The following DGKB variants were observed in gnomAD, a reference collection of about 807,000 sequenced individuals.
DGKB encodes diacylglycerol kinase beta.
In DGKB, 67 loss-of-function variants were observed where a neutral mutation model predicts 114.3. That is an observed-to-expected ratio of 0.59 (90% CI 0.48 to 0.72). The LOEUF is 0.72. DGKB is among the 30% of genes least tolerant of loss of function. DGKB has a pLI of 0.00. For missense variants in DGKB, 907 were observed against 975.2 expected (o/e 0.93, Z 0.93); for synonymous variants, 398 against 323.1 (o/e 1.23, Z -2.49).
chr7:14,401,471 C>T (rs1823086299), intron 21 of DGKB, among the ~76,000 whole-genome samples: 3 of 151,958 alleles, frequency 2.0e-5, no homozygotes, highest in South Asian at 2.1e-4. Flanking sequence ...GAAAAAATAA[C>T]TGTGAGGCTC....
chr7:14,714,157 G>C (rs1245964958), intron 6 of DGKB, among the ~76,000 whole-genome samples: 1 of 151,474 alleles, frequency 6.6e-6, no homozygotes, highest in Non-Finnish European at 1.5e-5. Context: ...AATCCAATTA[G>C]GAGATGGCAA....
At chr7:14,874,723 A>T (rs1443576256) in intron 1 of DGKB, among the ~76,000 whole-genome samples, 2 of 152,104 alleles carry the variant, frequency 1.3e-5, no homozygotes, top group East Asian at 3.9e-4. Context: ...TTTTTACAGG[A>T]ACAACTGAAA....
intron 20 of DGKB, among the ~76,000 whole-genome samples, chr7:14,487,770 CT>C (rs34694067): frequency 0.022 from 3,147 of 141,526 alleles, 63 homozygotes; most frequent in African/African-American, 0.063. Flanking sequence ...GCCTGACTAA[CT>C]TTTTTTTTTT....
chr7:14,861,128 A>T (rs73055010), intron 1 of DGKB, among the ~76,000 whole-genome samples: 1,829 of 152,050 alleles, frequency 0.012, 9 homozygotes, highest in Non-Finnish European at 0.017. Context: ...TGTGTAATAA[A>T]TCCTAGACCA....
chr7:14,607,881 C>T (rs1308618792), intron 16 of DGKB, among the ~76,000 whole-genome samples: 1 of 151,802 alleles, frequency 6.6e-6, no homozygotes, highest in Non-Finnish European at 1.5e-5. Flanking sequence ...TAAATATCTT[C>T]TCTCAGTAAA....
chr7:14,179,155 C>A (rs1417333235), intron 23 of DGKB, among the ~76,000 whole-genome samples: 1 of 152,156 alleles, frequency 6.6e-6, no homozygotes, highest in East Asian at 1.9e-4. Context: ...ACTGCGTGAG[C>A]TTCAAGGTTC....
intron 17 of DGKB, among the ~76,000 whole-genome samples, chr7:14,584,728 G>A (rs745799058): frequency 2.6e-5 from 4 of 151,426 alleles, no homozygotes; most frequent in Middle Eastern, 3.4e-3. Flanking sequence ...GTGCAATCTC[G>A]ACTCACTGCA....
chr7:14,457,199 A>G (rs548046318), intron 21 of DGKB, among the ~76,000 whole-genome samples: 1 of 152,302 alleles, frequency 6.6e-6, no homozygotes, highest in African/African-American at 2.4e-5. Context: ...ATAGTGCACT[A>G]GTAAAGAGGG....
chr7:14,205,484 G>T (rs956435798), intron 23 of DGKB, among the ~76,000 whole-genome samples: 1 of 151,814 alleles, frequency 6.6e-6, no homozygotes, highest in Non-Finnish European at 1.5e-5. Context: ...GTTGAATCTG[G>T]TTCACAGAAT....
At chr7:14,807,181 A>G (rs1455315465) in intron 2 of DGKB, among the ~76,000 whole-genome samples, 2 of 151,994 alleles carry the variant, frequency 1.3e-5, no homozygotes, top group African/African-American at 2.4e-5. Flanking sequence ...ATAGTAGTCA[A>G]TTAGAGTTTT....
chr7:14,806,217 A>G (rs1035964245), intron 2 of DGKB, among the ~76,000 whole-genome samples: 2 of 151,996 alleles, frequency 1.3e-5, no homozygotes, highest in Non-Finnish European at 2.9e-5. Flanking sequence ...TCAAAGTGCT[A>G]TGTTGTGATG....
intron 21 of DGKB, among the ~76,000 whole-genome samples, chr7:14,410,199 A>AAT (rs58851028): frequency 1.1e-3 from 171 of 148,846 alleles, no homozygotes; most frequent in East Asian, 3.6e-3. Context: ...AATTACACTA[A>AAT]ATATATATAT....
intron 20 of DGKB, among the ~76,000 whole-genome samples, chr7:14,539,994 T>A (rs182886948): frequency 1.3e-5 from 2 of 152,010 alleles, no homozygotes; most frequent in African/African-American, 4.8e-5. Flanking sequence ...ATTGAGCATG[T>A]TTTTCTCATT....
chr7:14,220,073 T>C (rs902499117), intron 23 of DGKB, among the ~76,000 whole-genome samples: 7 of 151,658 alleles, frequency 4.6e-5, no homozygotes, highest in Non-Finnish European at 5.9e-5. Context: ...ACTACACGTC[T>C]AGGCTAAATG....
chr7:14,302,763 G>C (rs546374132), intron 23 of DGKB, among the ~76,000 whole-genome samples: 1 of 151,910 alleles, frequency 6.6e-6, no homozygotes, highest in East Asian at 1.9e-4. Flanking sequence ...GCTCCATATC[G>C]CCTTGTTTAT....
chr7:14,254,348 T>A (rs1391990943), intron 23 of DGKB, among the ~76,000 whole-genome samples: 1 of 152,180 alleles, frequency 6.6e-6, no homozygotes, highest in East Asian at 1.9e-4. Flanking sequence ...GCTAGTGAAT[T>A]ACTGGACAAA....
chr7:14,482,944 G>A (rs557120399), intron 20 of DGKB, among the ~76,000 whole-genome samples: 2 of 152,014 alleles, frequency 1.3e-5, no homozygotes, highest in Non-Finnish European at 2.9e-5. Flanking sequence ...TCTTTATGCT[G>A]CAGAATAGTT....
At chr7:14,947,642 T>G (rs1212132902) in intron 1 of DGKB, among the ~76,000 whole-genome samples, 1 of 151,696 alleles carries the variant, frequency 6.6e-6, no homozygotes, top group African/African-American at 2.4e-5. Flanking sequence ...TTTATGTGTG[T>G]CTCTGTGTGT....
intron 23 of DGKB, among the ~76,000 whole-genome samples, chr7:14,219,804 T>C (rs1049998552): frequency 6.6e-6 from 1 of 151,798 alleles, no homozygotes; most frequent in African/African-American, 2.4e-5. Flanking sequence ...ATTTTTTCTT[T>C]TGTTGTTCAT....
Sources: gnomAD v4.1 joint callset for allele counts (sites outside exome capture counted in the v4.1 genomes callset) on GRCh38, gnomAD v4.1.1 for gene constraint, MANE v1.5 for transcripts, NCBI Gene and HGNC (gene_info 2026-07-23, HGNC 2026-07-21) for gene names.